ARMH3: variants seen among roughly 807,000 people sequenced by gnomAD.
ARMH3 encodes armadillo-like helical domain-containing protein 3.
In ARMH3, 60 loss-of-function variants were observed where a neutral mutation model predicts 99.1. The observed-to-expected ratio is 0.61, with a 90% CI of 0.49 to 0.75. The LOEUF (loss-of-function observed/expected upper bound fraction) is 0.75. ARMH3 is among the 30% of genes least tolerant of loss of function. The probability of loss-of-function intolerance (pLI) is 0.00; values close to 1 mark genes in which losing one functional copy is unlikely to be tolerated. For missense variants in ARMH3, 679 were observed against 843.1 expected (o/e 0.81, Z 2.41); for synonymous variants, 285 against 292.8 (o/e 0.97, Z 0.27).
chr10:101,857,607 C>G (rs1279257132), intron 24 of ARMH3, among the ~76,000 whole-genome samples: 1 of 152,190 alleles, frequency 6.6e-6, no homozygotes, highest in Non-Finnish European at 1.5e-5. Flanking sequence ...TATCACAACT[C>G]AAATATACCA....
At chr10:101,878,834 T>TAA (rs77310257) in intron 24 of ARMH3, among the ~76,000 whole-genome samples, 1 of 142,488 alleles carries the variant, frequency 7.0e-6, no homozygotes, top group South Asian at 2.2e-4. Flanking sequence ...CTCTAAAAAT[T>TAA]AAAAAAAAAA....
intron 22 of ARMH3, among the ~76,000 whole-genome samples, chr10:101,947,229 A>C (rs1030936372): frequency 6.6e-6 from 1 of 152,090 alleles, no homozygotes; most frequent in Admixed American, 6.5e-5. Context: ...ACATACTACA[A>C]ACAATGGAAC....
intron 20 of ARMH3, among the ~76,000 whole-genome samples, chr10:101,964,954 G>A (rs1845470568): frequency 6.6e-6 from 1 of 152,044 alleles, no homozygotes. Flanking sequence ...GGAAGTTGCA[G>A]TGAACCAAGA....
chr10:101,896,356 G>C (rs959757865), intron 23 of ARMH3, among the ~76,000 whole-genome samples: 2 of 152,220 alleles, frequency 1.3e-5, no homozygotes, highest in East Asian at 3.8e-4. Context: ...TTATAGGAAA[G>C]GTCCAGAATA....
chr10:101,984,020 T>C (rs1846345614), intron 19 of ARMH3, among the ~76,000 whole-genome samples: 1 of 152,140 alleles, frequency 6.6e-6, no homozygotes, highest in African/African-American at 2.4e-5. Flanking sequence ...TCCAGGTAGA[T>C]AGTGTCAGAA....
intron 22 of ARMH3, among the ~76,000 whole-genome samples, chr10:101,947,898 C>T (rs1043992805): frequency 6.6e-6 from 1 of 151,934 alleles, no homozygotes; most frequent in South Asian, 2.1e-4. Flanking sequence ...TGACTTTAGA[C>T]TGCAAAAGGT....
intron 1 of ARMH3, among the ~76,000 whole-genome samples, chr10:102,040,739 T>C (rs1401733340): frequency 1.3e-5 from 2 of 152,124 alleles, no homozygotes; most frequent in Non-Finnish European, 2.9e-5. Flanking sequence ...GGTCTGGCCA[T>C]ATATTTGAGG....
intron 24 of ARMH3, among the ~76,000 whole-genome samples, chr10:101,864,078 A>C (rs9732468): frequency 0.46 from 48,008 of 105,060 alleles, 11,806 homozygotes; most frequent in East Asian, 0.82. Flanking sequence ...AAAAAAAAAA[A>C]ACACACACAC....
At chr10:101,873,142 G>A (rs906090341) in intron 24 of ARMH3, among the ~76,000 whole-genome samples, 14 of 150,046 alleles carry the variant, frequency 9.3e-5, no homozygotes, top group African/African-American at 3.4e-4. Context: ...AGTGGCTCAC[G>A]TCTGTAATCC....
At chr10:102,039,077 G>A (rs984899682) in intron 2 of ARMH3, among the ~76,000 whole-genome samples, 14 of 151,570 alleles carry the variant, frequency 9.2e-5, no homozygotes, top group East Asian at 1.9e-4. Context: ...TACTTTATGC[G>A]TACTACTTAT....
chr10:101,906,543 A>T (rs1018821756), intron 23 of ARMH3, among the ~76,000 whole-genome samples: 2 of 152,234 alleles, frequency 1.3e-5, no homozygotes, highest in Non-Finnish European at 2.9e-5. Flanking sequence ...GGGGAAGAAG[A>T]ATTTACTTGA....
At chr10:102,030,485 G>C (rs2067102590) in intron 4 of ARMH3, among the ~76,000 whole-genome samples, 1 of 152,082 alleles carries the variant, frequency 6.6e-6, no homozygotes, top group Admixed American at 6.5e-5. Flanking sequence ...GAGGCAAGTG[G>C]ATCACCTGAG....
chr10:101,864,323 A>T (rs185737566), intron 24 of ARMH3, among the ~76,000 whole-genome samples: 79 of 152,332 alleles, frequency 5.2e-4, no homozygotes, highest in Middle Eastern at 6.8e-3. Context: ...ACCATTGTGG[A>T]AGACAGTGTG....
At chr10:102,033,864 T>C (rs541716465) in intron 2 of ARMH3, among the ~76,000 whole-genome samples, 4 of 152,212 alleles carry the variant, frequency 2.6e-5, no homozygotes, top group Admixed American at 2.6e-4. Context: ...AGTTAAATAA[T>C]AGCTCAAAGA....
chr10:101,935,307 TAAG>T (rs1843916136), intron 23 of ARMH3, among the ~76,000 whole-genome samples: 1 of 151,932 alleles, frequency 6.6e-6, no homozygotes, highest in Admixed American at 6.6e-5. Flanking sequence ...AGCTGCATTT[TAAG>T]AATCTCACTG....
chr10:102,011,664 C>T, intron 11 of ARMH3, 59 bp downstream of exon 11: 2 of 1,437,784 alleles, frequency 1.4e-6, no homozygotes, highest in Non-Finnish European at 1.9e-6. Flanking sequence ...GATTTGTCCA[C>T]CCCTGCAGAC....
At chr10:101,902,936 T>C (rs1386282681) in intron 23 of ARMH3, among the ~76,000 whole-genome samples, 1 of 152,036 alleles carries the variant, frequency 6.6e-6, no homozygotes, top group African/African-American at 2.4e-5. Flanking sequence ...ATGAAGCCCA[T>C]GCGGAGGGTG....
intron 22 of ARMH3, 107 bp from the exon 23 acceptor site, chr10:101,940,045 G>T: frequency 2.5e-6 from 2 of 785,372 alleles, no homozygotes; most frequent in Non-Finnish European, 4.0e-6. Flanking sequence ...ACCAAACAAA[G>T]CCTGCGCCAA....
intron 1 of ARMH3, among the ~76,000 whole-genome samples, chr10:102,045,475 G>A (rs1414726794): frequency 6.6e-6 from 1 of 152,142 alleles, no homozygotes; most frequent in African/African-American, 2.4e-5. Flanking sequence ...GAAGAAACCA[G>A]GCAAGTAAAA....
Sources: gnomAD v4.1 joint callset for allele counts (sites outside exome capture counted in the v4.1 genomes callset) on GRCh38, gnomAD v4.1.1 for gene constraint, MANE v1.5 for transcripts, NCBI Gene and HGNC (gene_info 2026-07-23, HGNC 2026-07-21) for gene names.